The following SVIL variants were observed in gnomAD, a reference collection of about 807,000 sequenced individuals.
SVIL encodes archvillin.
SVIL carries 101 observed loss-of-function variants against 240.4 expected under a neutral mutation model. The observed-to-expected ratio is 0.42, with a 90% CI of 0.36 to 0.50. The LOEUF is 0.50. Among genes scored for constraint, SVIL ranks in the 20% least tolerant of loss-of-function variants. The pLI is 0.01. For missense variants in SVIL, 2,512 were observed against 2,818.7 expected, an observed-to-expected ratio of 0.89 and a Z score of 2.46; for synonymous variants, 999 against 1,100.0, an observed-to-expected ratio of 0.91 and a Z score of 1.82.
In SVIL at chr10:29,545,844, ACT is replaced by A. The variant is rs1359048923; in HGVS notation, c.827+4751_827+4752del. On this transcript the variant is annotated intron_variant, in intron 6 of 37. Coordinates refer to ENST00000355867, the MANE Select transcript of SVIL (RefSeq NM_021738.3). ...CACTCCAGCTTGGAGTCAGAGTGAG[ACT>A]CTGTCTCAAAAAAAAAAAAAAAAAA... is the stretch of plus-strand genomic sequence containing the variant. Among the ~76,000 whole-genome samples, 21 of 125,356 alleles carry A rather than the reference ACT, an allele frequency of 1.7e-4. No homozygotes were observed. In the East Asian group the frequency reaches 4.4e-3, roughly 26 times the overall value. 82.2% of individuals were successfully genotyped at this position (125,356 alleles called of 152,430 possible). A position where few individuals can be genotyped will look rare whatever the true frequency, so the allele number is the denominator to read the frequency against.
intron 2 of SVIL, among the ~76,000 whole-genome samples, chr10:29,683,266 A>T (rs1172159489): frequency 6.6e-6 from 1 of 152,224 alleles, no homozygotes; most frequent in Non-Finnish European, 1.5e-5. Context: ...TAGAATCAAT[A>T]AGAAGGGATG....
chr10:29,633,082 A>C, intron 1 of SVIL, among the ~76,000 whole-genome samples: 1 of 151,986 alleles, frequency 6.6e-6, no homozygotes, highest in East Asian at 1.9e-4. Flanking sequence ...AAATACAAAA[A>C]AAAATTAGCT....
intron 36 of SVIL, among the ~76,000 whole-genome samples, chr10:29,460,946 C>A (rs1039914045): frequency 6.6e-6 from 1 of 152,074 alleles, no homozygotes; most frequent in Admixed American, 6.6e-5. Context: ...GACCCCTTAC[C>A]CACCATGATG....
chr10:29,722,374 A>G (rs1007551521), intron 1 of SVIL, among the ~76,000 whole-genome samples: 3 of 152,156 alleles, frequency 2.0e-5, no homozygotes, highest in African/African-American at 7.2e-5. Context: ...CTTATGCAAG[A>G]CCATATCAAA....
At chr10:29,477,691 C>T (rs182466288) in intron 29 of SVIL, among the ~76,000 whole-genome samples, 1 of 152,236 alleles carries the variant, frequency 6.6e-6, no homozygotes, top group South Asian at 2.1e-4. Flanking sequence ...GTGCTTCCCC[C>T]CTGCTGGAGG....
rs771262619 is a variant in SVIL at position 29,524,513 on chromosome 10, G to A, written c.2545C>T (p.Arg849Cys). ...AGTGTGACTGGCTGAGTTTGATAGC[G>A]AGCGTTCATTCTCCTCTGTCTCGTG... ...IDTRQRRMNA[R>C]YQTQPVTLGE... The change falls in exon 14 of 38, where the codon CGC (arginine) becomes TGC (cysteine). Residue 849 changes from arginine to cysteine, a missense_variant. Arg to Cys is a radical substitution (Grantham distance 180). Coordinates refer to ENST00000355867, the MANE Select transcript of SVIL (RefSeq NM_021738.3). 2 of 1,614,122 alleles carry A rather than the reference G, an allele frequency of 1.2e-6. No homozygotes were observed. The highest frequency in any genetic ancestry group is 1.1e-5 in the South Asian group (1 of 91,074).
chr10:29,532,471 T>C (rs949045002), intron 8 of SVIL, 58 bp downstream of exon 8: 1 of 1,550,092 alleles, frequency 6.5e-7, no homozygotes, highest in East Asian at 2.3e-5. Flanking sequence ...GAGGAGTGAA[T>C]CATTCTGCCA....
At chr10:29,498,721 C>T (rs1248407618) in intron 18 of SVIL, among the ~76,000 whole-genome samples, 1 of 152,122 alleles carries the variant, frequency 6.6e-6, no homozygotes, top group Non-Finnish European at 1.5e-5. Context: ...TGTCTCAAGC[C>T]TGTAGTCCCA....
chr10:29,535,316 G>C (rs577501826), intron 7 of SVIL, among the ~76,000 whole-genome samples: 1 of 152,132 alleles, frequency 6.6e-6, no homozygotes, highest in Non-Finnish European at 1.5e-5. Flanking sequence ...ACTGAAGCGC[G>C]GTTCCAGTTC....
intron 17 of SVIL, among the ~76,000 whole-genome samples, chr10:29,504,967 CAAAT>C (rs1453481818): frequency 2.6e-5 from 4 of 152,146 alleles, no homozygotes; most frequent in Non-Finnish European, 5.9e-5. Flanking sequence ...GATTAATAGA[CAAAT>C]AAACTGTGGC....
At chr10:29,538,066 G>A (rs1305558586) in intron 6 of SVIL, among the ~76,000 whole-genome samples, 3 of 152,204 alleles carry the variant, frequency 2.0e-5, no homozygotes, top group African/African-American at 4.8e-5. Context: ...AGGGCAAGAG[G>A]GGCCAGCAGA....
chr10:29,619,159 C>CA (rs780950155), intron 1 of SVIL, among the ~76,000 whole-genome samples: 20 of 151,750 alleles, frequency 1.3e-4, no homozygotes, highest in East Asian at 5.8e-4. Flanking sequence ...TCATTATGCG[C>CA]AAAAAAAATT....
At chr10:29,654,491 T>C (rs1958937342) in intron 3 of SVIL, among the ~76,000 whole-genome samples, 1 of 152,216 alleles carries the variant, frequency 6.6e-6, no homozygotes, top group South Asian at 2.1e-4. Context: ...AGTTTTACCT[T>C]TTCTTTTCCA....
At chr10:29,492,641 C>G (rs1313101956) in intron 21 of SVIL, among the ~76,000 whole-genome samples, 1 of 152,124 alleles carries the variant, frequency 6.6e-6, no homozygotes, top group African/African-American at 2.4e-5. Context: ...TTGACGGACT[C>G]CTAATACCAT....
chr10:29,560,064 T>G (rs910920547), intron 3 of SVIL, among the ~76,000 whole-genome samples: 2 of 152,166 alleles, frequency 1.3e-5, no homozygotes, highest in African/African-American at 4.8e-5. Context: ...GCAGGGGTAC[T>G]GCCAAGAACA....
chr10:29,606,268 C>T (rs12266462), intron 1 of SVIL, among the ~76,000 whole-genome samples: 13,463 of 152,042 alleles, frequency 0.089, 1,144 homozygotes, highest in African/African-American at 0.21. Context: ...TTGTCTTAAA[C>T]TCCTGGTCTC....
chr10:29,587,806 A>G (rs1956229988), intron 1 of SVIL, among the ~76,000 whole-genome samples: 1 of 152,264 alleles, frequency 6.6e-6, no homozygotes, highest in Non-Finnish European at 1.5e-5. Flanking sequence ...AAAAGAAGCC[A>G]TAGGTCAGGG....
intron 5 of SVIL, among the ~76,000 whole-genome samples, chr10:29,552,221 TTA>T (rs1491049817): frequency 9.5e-4 from 128 of 135,404 alleles, no homozygotes; most frequent in African/African-American, 3.5e-3. Flanking sequence ...TATAAAATAG[TTA>T]GTTATTAATG....
rs1258277494 is a variant in SVIL, at chr10:29,459,694, A to AC, written c.6403-1106dup. ...ATTCTCTTCCTCCATTAAACTTGGG[A>AC]CCCCAGATTGGCTGCTCTCCTTTTG... On this transcript the variant is annotated intron_variant, in intron 36 of 37. Coordinates refer to ENST00000355867, the MANE Select transcript of SVIL (RefSeq NM_021738.3). 2.6e-5 allele frequency among the ~76,000 whole-genome samples: 4 copies of AC among 152,254 alleles called. No homozygotes were observed. The East Asian group carries it at 5.8e-4, about 22-fold the overall frequency.
Sources: allele counts gnomAD v4.1 joint callset (sites outside exome capture counted in the v4.1 genomes callset), GRCh38; gene constraint gnomAD v4.1.1; transcripts MANE v1.5; gene names NCBI Gene and HGNC (gene_info 2026-07-23, HGNC 2026-07-21).